Variants in ARID1B observed in about 807,000 individuals in gnomAD.
The protein encoded by ARID1B is AT-rich interactive domain-containing protein 1B.
ARID1B carries 30 observed loss-of-function variants against 212.3 expected under a neutral mutation model. The observed-to-expected ratio is 0.14, with a 90% CI of 0.11 to 0.19. ARID1B has a LOEUF of 0.19. Among genes scored for constraint, ARID1B ranks in the 10% least tolerant of loss-of-function variants. The probability of loss-of-function intolerance (pLI) is 1.00; values close to 1 mark genes in which losing one functional copy is unlikely to be tolerated. For synonymous variants in ARID1B, 1,402 were observed against 1,301.7 expected, an observed-to-expected ratio of 1.08 and a Z score of -1.66; for missense variants, 2,891 against 3,204.0, an observed-to-expected ratio of 0.90 and a Z score of 2.36.
At chr6:157,143,677 G>A (rs1048144433) in intron 7 of ARID1B, among the ~76,000 whole-genome samples, 6 of 152,214 alleles carry the variant, frequency 3.9e-5, no homozygotes, top group African/African-American at 1.4e-4. Context: ...GGGAGTGTCA[G>A]AACCAGTATT....
intron 4 of ARID1B, among the ~76,000 whole-genome samples, chr6:156,970,488 T>C (rs1776854191): frequency 6.6e-6 from 1 of 152,254 alleles, no homozygotes; most frequent in African/African-American, 2.4e-5. Context: ...ACTTGAAATG[T>C]GCTTTAACTA....
intron 4 of ARID1B, among the ~76,000 whole-genome samples, chr6:157,013,635 CA>C (rs1280011466): frequency 1.3e-5 from 2 of 152,190 alleles, no homozygotes; most frequent in Admixed American, 1.3e-4. Context: ...ATCCAACACT[CA>C]CATTAAACAC....
chr6:157,024,478 G>A (rs771863414), intron 4 of ARID1B: 5 of 152,148 alleles, frequency 3.3e-5, no homozygotes, highest in Non-Finnish European at 5.9e-5. Context: ...CTAGCTTTTC[G>A]GGGCTGGATG....
At chr6:157,062,056 G>C (rs922012945) in intron 4 of ARID1B, among the ~76,000 whole-genome samples, 4 of 152,292 alleles carry the variant, frequency 2.6e-5, no homozygotes, top group East Asian at 1.9e-4. Context: ...TGTCACTGCT[G>C]TCACTTTTTG....
intron 4 of ARID1B, among the ~76,000 whole-genome samples, chr6:157,040,483 A>G (rs1353165122): frequency 1.3e-5 from 2 of 152,096 alleles, no homozygotes; most frequent in Non-Finnish European, 2.9e-5. Flanking sequence ...ATCTTTCTGT[A>G]CTTTTTTTCC....
chr6:157,147,129 T>G (rs970331934), intron 7 of ARID1B, among the ~76,000 whole-genome samples: 7 of 151,958 alleles, frequency 4.6e-5, no homozygotes, highest in African/African-American at 1.7e-4. Flanking sequence ...TACCTTTGAT[T>G]TACTTGAATC....
At chr6:156,900,216 C>T (rs1381513051) in intron 2 of ARID1B, among the ~76,000 whole-genome samples, 2 of 152,166 alleles carry the variant, frequency 1.3e-5, no homozygotes, top group African/African-American at 4.8e-5. Context: ...ATCTCATCCT[C>T]TTTGGTAGAT....
At chr6:157,178,088 C>T (rs1438260588) in intron 11 of ARID1B, among the ~76,000 whole-genome samples, 3 of 152,130 alleles carry the variant, frequency 2.0e-5, no homozygotes, top group Non-Finnish European at 2.9e-5. Flanking sequence ...GGGGTGGAGG[C>T]GTTGAGTGCT....
intron 12 of ARID1B, 107 bp downstream of exon 12, chr6:157,181,285 C>A: frequency 7.2e-7 from 1 of 1,381,432 alleles, no homozygotes; most frequent in Admixed American, 2.3e-5. Context: ...AAAGGAAAAG[C>A]TAAGCCTGTG....
At chr6:157,080,272 TAAGC>T (rs575273591) in intron 4 of ARID1B, among the ~76,000 whole-genome samples, 1 of 152,198 alleles carries the variant, frequency 6.6e-6, no homozygotes, top group Non-Finnish European at 1.5e-5. Flanking sequence ...CTTATTTAAT[TAAGC>T]AAGGGAGTAA....
chr6:157,085,484 G>A (rs978101228), intron 5 of ARID1B, among the ~76,000 whole-genome samples: 1 of 151,952 alleles, frequency 6.6e-6, no homozygotes, highest in Admixed American at 6.6e-5. Flanking sequence ...GTCATGCATC[G>A]CCTCTATCTT....
At chr6:156,931,921 G>A (rs55683958) in intron 3 of ARID1B, among the ~76,000 whole-genome samples, 12,536 of 144,470 alleles carry the variant, frequency 0.087, 1,731 homozygotes, top group African/African-American at 0.29. Context: ...GAGATTGCGC[G>A]ATGCACTCCA....
At chr6:156,849,951 C>T (rs1172336185) in intron 2 of ARID1B, among the ~76,000 whole-genome samples, 1 of 150,876 alleles carries the variant, frequency 6.6e-6, no homozygotes, top group African/African-American at 2.4e-5. Flanking sequence ...TTTTGTAATA[C>T]TCCTGTGGAT....
intron 4 of ARID1B, among the ~76,000 whole-genome samples, chr6:157,051,755 C>A (rs1024500717): frequency 6.6e-6 from 1 of 152,166 alleles, no homozygotes; most frequent in Admixed American, 6.5e-5. Context: ...GTAACAGGAT[C>A]TGAGGCAGTT....
At chr6:156,787,409 T>C (rs567862932) in intron 1 of ARID1B, among the ~76,000 whole-genome samples, 28 of 152,330 alleles carry the variant, frequency 1.8e-4, no homozygotes, top group African/African-American at 5.8e-4. Context: ...ATCTACTGTT[T>C]CTTTTTGTGA....
rs113723787 is a variant in ARID1B, at chr6:157,087,244, T to C, written c.2491+2339T>C. 5.6e-3 allele frequency among the ~76,000 whole-genome samples: 852 copies of C among 152,340 alleles called. 14 individuals carry two copies. Among genetic ancestry groups the C allele is most frequent in the African/African-American group, 0.02 (816 of 41,570 alleles). ...GCTACATGGGGTTAGATTATATAAA[T>C]ATGACAAATAGAACATTTCTTAGTA... On this transcript the variant is annotated intron_variant, in intron 5 of 19. Coordinates refer to ENST00000636930, the MANE Select transcript of ARID1B (RefSeq NM_001374828.1).
chr6:157,115,146 T>C (rs919360751), intron 6 of ARID1B, among the ~76,000 whole-genome samples: 1 of 152,124 alleles, frequency 6.6e-6, no homozygotes, highest in Non-Finnish European at 1.5e-5. Context: ...ATCTGGTGGT[T>C]TTGGTATTGA....
rs35060587 is a variant in ARID1B at position 157,193,128 on chromosome 6, A to G, written c.4231+2918A>G. Among the ~76,000 whole-genome samples, 691 of 152,326 alleles carry G rather than the reference A, an allele frequency of 4.5e-3. 5 individuals carry two copies. Among genetic ancestry groups the G allele is most frequent in the Middle Eastern group, 0.014 (4 of 294 alleles). On this transcript the variant is annotated intron_variant, in intron 15 of 19. Coordinates refer to ENST00000636930, the MANE Select transcript of ARID1B (RefSeq NM_001374828.1). ...ATTACATATAAATGAACATCATTTT[A>G]TATGTTTAACAGAATAGTATATATC...
At chr6:157,010,426 G>A (rs563340733) in intron 4 of ARID1B, among the ~76,000 whole-genome samples, 16 of 151,680 alleles carry the variant, frequency 1.1e-4, no homozygotes, top group Non-Finnish European at 1.8e-4. Flanking sequence ...AGGTTCAAGC[G>A]ATTCTTCTGC....
Sources: allele counts gnomAD v4.1 joint callset (sites outside exome capture counted in the v4.1 genomes callset), GRCh38; gene constraint gnomAD v4.1.1; transcripts MANE v1.5; gene names NCBI Gene and HGNC (gene_info 2026-07-23, HGNC 2026-07-21).